CPA6: variants seen among roughly 807,000 people sequenced by gnomAD.
CPA6 encodes the protein carboxypeptidase B.
A neutral mutation model predicts 63.3 loss-of-function variants in CPA6; 58 were observed. The observed-to-expected ratio is 0.92, with a 90% CI of 0.74 to 1.14. CPA6 has a LOEUF of 1.14. Among genes scored for constraint, CPA6 ranks in the 50% most tolerant of loss-of-function variants. The probability of loss-of-function intolerance (pLI) is 0.00; values close to 1 mark genes in which losing one functional copy is unlikely to be tolerated. For missense variants in CPA6, 565 were observed against 526.6 expected (o/e 1.07, Z -0.71); for synonymous variants, 185 against 179.0 (o/e 1.03, Z -0.27).
chr8:67,476,771 C>A (rs183485737), intron 8 of CPA6, among the ~76,000 whole-genome samples: 2 of 152,230 alleles, frequency 1.3e-5, no homozygotes, highest in Admixed American at 1.3e-4. Flanking sequence ...GAGCTCAATT[C>A]GTAATCTTGA....
chr8:67,562,235 T>C (rs1481079207), intron 2 of CPA6, among the ~76,000 whole-genome samples: 3 of 152,180 alleles, frequency 2.0e-5, no homozygotes, highest in Non-Finnish European at 4.4e-5. Context: ...TACATAAACA[T>C]GTACTTTTTG....
At chr8:67,677,342 CTTT>C (rs35049117) in intron 1 of CPA6, among the ~76,000 whole-genome samples, 20 of 128,330 alleles carry the variant, frequency 1.6e-4, no homozygotes, top group Admixed American at 2.4e-4. Context: ...AAAACACCTT[CTTT>C]TTTTTTTTTT....
chr8:67,525,383 G>T (rs1214417986), intron 2 of CPA6, among the ~76,000 whole-genome samples: 2 of 152,050 alleles, frequency 1.3e-5, no homozygotes, highest in African/African-American at 2.4e-5. Flanking sequence ...ATTGGTGGGG[G>T]CCCAACAGTG....
chr8:67,695,604 G>A (rs1816899138), intron 1 of CPA6, among the ~76,000 whole-genome samples: 1 of 152,204 alleles, frequency 6.6e-6, no homozygotes, highest in South Asian at 2.1e-4. Flanking sequence ...CAAAATAAGT[G>A]TGGCAACTGG....
At chr8:67,449,810 CTTT>C (rs35803454) in intron 8 of CPA6, among the ~76,000 whole-genome samples, 7 of 124,264 alleles carry the variant, frequency 5.6e-5, no homozygotes, top group Non-Finnish European at 6.6e-5. Flanking sequence ...CAAGCCATCT[CTTT>C]TTTTTTTTTT....
intron 1 of CPA6, among the ~76,000 whole-genome samples, chr8:67,644,122 A>ATTT (rs201108627): frequency 1.4e-5 from 2 of 144,342 alleles, no homozygotes; most frequent in Non-Finnish European, 3.0e-5. Context: ...TTGCTGTCTT[A>ATTT]TTTTTTTTTT....
chr8:67,670,091 A>G (rs1248729810), intron 1 of CPA6, among the ~76,000 whole-genome samples: 1 of 152,246 alleles, frequency 6.6e-6, no homozygotes, highest in Non-Finnish European at 1.5e-5. Flanking sequence ...CCAATTACCC[A>G]TCTAAGATGT....
intron 1 of CPA6, among the ~76,000 whole-genome samples, chr8:67,685,584 G>A (rs568359550): frequency 3.3e-5 from 5 of 152,212 alleles, no homozygotes; most frequent in South Asian, 4.1e-4. Flanking sequence ...GCGCCACTGC[G>A]TTCCAGCCTG....
At chr8:67,675,313 T>C (rs1816445938) in intron 1 of CPA6, among the ~76,000 whole-genome samples, 1 of 152,190 alleles carries the variant, frequency 6.6e-6, no homozygotes. Flanking sequence ...GCATTGCTGC[T>C]GTGACTCTCC....
At chr8:67,452,854 T>C (rs1352716598) in intron 8 of CPA6, among the ~76,000 whole-genome samples, 1 of 152,128 alleles carries the variant, frequency 6.6e-6, no homozygotes, top group Non-Finnish European at 1.5e-5. Context: ...GGCTATGGCA[T>C]CCAGGGAAGA....
chr8:67,532,959 A>T (rs1812509552), intron 2 of CPA6, among the ~76,000 whole-genome samples: 1 of 152,216 alleles, frequency 6.6e-6, no homozygotes, highest in Non-Finnish European at 1.5e-5. Flanking sequence ...TTTTAGATGT[A>T]TACTTGTAAA....
chr8:67,559,648 A>G (rs1009029510), intron 2 of CPA6, among the ~76,000 whole-genome samples: 1 of 151,968 alleles, frequency 6.6e-6, no homozygotes, highest in Non-Finnish European at 1.5e-5. Flanking sequence ...AAACAGGCAA[A>G]CTTTCTTTCT....
At chr8:67,545,514 T>A (rs1812794812) in intron 2 of CPA6, among the ~76,000 whole-genome samples, 1 of 151,852 alleles carries the variant, frequency 6.6e-6, no homozygotes. Context: ...CTCATGTCCC[T>A]GGCTTTAGTC....
intron 1 of CPA6, among the ~76,000 whole-genome samples, chr8:67,691,784 C>T (rs1816818624): frequency 1.3e-5 from 2 of 151,852 alleles, no homozygotes; most frequent in South Asian, 2.1e-4. Flanking sequence ...AGGGAATTGG[C>T]TTTTAGTAAA....
intron 2 of CPA6, among the ~76,000 whole-genome samples, chr8:67,577,496 T>C (rs1424946270): frequency 6.6e-6 from 1 of 152,062 alleles, no homozygotes; most frequent in Non-Finnish European, 1.5e-5. Flanking sequence ...CATATACTGA[T>C]TGAAGAATAG....
Position 67,506,782 on chromosome 8 carries a change from C to T in CPA6, c.636+5G>A, listed in dbSNP as rs1166618180. On this transcript the variant is annotated splice_donor_5th_base_variant and intron_variant, in intron 6 of 10. Coordinates refer to ENST00000297770, the MANE Select transcript of CPA6 (RefSeq NM_020361.5). ...AATGGACATTGTGTAAAGGGTTTAACTTACTTCTTTTACAAACCACTGACA... is the reference window on the plus strand; with the variant it reads ...AATGGACATTGTGTAAAGGGTTTAATTTACTTCTTTTACAAACCACTGACA... The T allele has an allele frequency of 6.3e-7, 1 of 1,587,350 alleles. No individual in the cohort carries two copies. Among genetic ancestry groups the T allele is most frequent in the Non-Finnish European group, 8.7e-7 (1 of 1,155,822 alleles).
At chr8:67,629,391 G>A (rs1474029619) in intron 1 of CPA6, among the ~76,000 whole-genome samples, 1 of 150,930 alleles carries the variant, frequency 6.6e-6, no homozygotes, top group Non-Finnish European at 1.5e-5. Flanking sequence ...TGAGGCAGGA[G>A]GATCACTCAG....
intron 8 of CPA6, among the ~76,000 whole-genome samples, chr8:67,473,533 A>G (rs1811108762): frequency 6.6e-6 from 1 of 152,210 alleles, no homozygotes; most frequent in Non-Finnish European, 1.5e-5. Flanking sequence ...AATGTTTATA[A>G]AAGACTCTGT....
At chr8:67,674,582 G>A (rs10086842) in intron 1 of CPA6, among the ~76,000 whole-genome samples, 15,016 of 152,212 alleles carry the variant, frequency 0.099, 1,419 homozygotes, top group African/African-American at 0.24. Flanking sequence ...GGGAATGTAA[G>A]TTAGTAAAGT....
Sources: gnomAD v4.1 joint callset for allele counts (sites outside exome capture counted in the v4.1 genomes callset) on GRCh38, gnomAD v4.1.1 for gene constraint, MANE v1.5 for transcripts, NCBI Gene and HGNC (gene_info 2026-07-23, HGNC 2026-07-21) for gene names.